Variants in DOCK10 observed in about 807,000 individuals in gnomAD.
DOCK10 encodes the protein dedicator of cytokinesis protein 10.
DOCK10 carries 145 observed loss-of-function variants against 280.1 expected under a neutral mutation model. The ratio of observed to expected loss-of-function variants is 0.52; its 90% CI spans 0.45 to 0.59. The LOEUF (loss-of-function observed/expected upper bound fraction) is 0.59. Among genes scored for constraint, DOCK10 ranks in the 20% least tolerant of loss-of-function variants. The probability of loss-of-function intolerance (pLI) is 0.00; values close to 1 mark genes in which losing one functional copy is unlikely to be tolerated. For synonymous variants in DOCK10, 915 were observed against 942.2 expected, an observed-to-expected ratio of 0.97 and a Z score of 0.53; for missense variants, 2,368 against 2,651.7, an observed-to-expected ratio of 0.89 and a Z score of 2.35.
At chr2:224,884,172 A>G (rs1350549040) in intron 7 of DOCK10, among the ~76,000 whole-genome samples, 1 of 152,204 alleles carries the variant, frequency 6.6e-6, no homozygotes, top group East Asian at 1.9e-4. Flanking sequence ...GCTCAGAAAC[A>G]GTTAATTTTT....
At chr2:224,823,862 A>AT (rs1430102407) in intron 27 of DOCK10, among the ~76,000 whole-genome samples, 1 of 152,186 alleles carries the variant, frequency 6.6e-6, no homozygotes, top group African/African-American at 2.4e-5. Flanking sequence ...GGTCAATAAA[A>AT]TTTTCACTTT....
chr2:224,849,510 A>C lies in DOCK10; in HGVS notation c.2232T>G (p.Asp744Glu), dbSNP rs774308202. Residue 744 changes from aspartate to glutamate, a missense_variant, in exon 19 of 56, where the codon GAT (aspartate) becomes GAG (glutamate). Around this residue, in one of 2 missense-constraint regions of DOCK10, gnomAD observed 1,209 missense variants for 1,250.9 expected, o/e 0.97. Transcript: ENST00000258390. ...LHHSQNPDFS[D>E]EVKIELPTQL... is the part of the protein sequence containing the mutation. Reference sequence around the variant, plus strand: ...GCAGTGGAGGGCTAGCTCTTACCTCATCTGAGAAATCCGGATTCTGAGAGT... The same window carrying C: ...GCAGTGGAGGGCTAGCTCTTACCTCCTCTGAGAAATCCGGATTCTGAGAGT... 41 of 1,609,558 alleles carry C rather than the reference A, an allele frequency of 2.5e-5. No individual in the cohort carries two copies. The highest frequency in any genetic ancestry group is 3.3e-5 in the Non-Finnish European group (39 of 1,177,816).
chr2:224,853,240 T>A (rs2125553999), intron 16 of DOCK10, 118 bp from the exon 17 acceptor site: 1 of 800,358 alleles, frequency 1.2e-6, no homozygotes. Flanking sequence ...TGTACACCAA[T>A]TGATATTAGC....
At position 224,845,778 on chromosome 2, in the gene DOCK10, C is replaced by A. The variant is rs1009971424; in HGVS notation, c.2236-136G>T. ...TTACTCTGTCACCTACGCTGGAGTG[C>A]AATGGCACGATCTAGGCTCACTGCA... On this transcript the variant is annotated intron_variant, in intron 19 of 55. Transcript: ENST00000258390. 7 of 802,372 alleles carry A rather than the reference C, an allele frequency of 8.7e-6. No individual in the cohort carries two copies. In the Admixed American group the frequency reaches 1.3e-4, roughly 15 times the overall value. 49.7% of individuals were successfully genotyped at this position (802,372 alleles called of 1,614,324 possible).
Position 224,941,304 on chromosome 2 carries a change from A to G in DOCK10, c.124-9636T>C, listed in dbSNP as rs16866384. Among the ~76,000 whole-genome samples the G allele has an allele frequency of 3.8e-3, 575 of 152,026 alleles. 3 individuals are homozygous for G. Among genetic ancestry groups the G allele is most frequent in the African/African-American group, 0.013 (548 of 41,460 alleles). ...TCTAACCCAGCTCAGTTTGAAGCCTATAGTCCACTCCACTCCACTCTACCA... is the reference window on the plus strand; with the variant it reads ...TCTAACCCAGCTCAGTTTGAAGCCTGTAGTCCACTCCACTCCACTCTACCA... On this transcript the variant is annotated intron_variant, in intron 1 of 55. Coordinates refer to ENST00000258390, the MANE Select transcript of DOCK10 (RefSeq NM_014689.3).
chr2:224,790,272 A>T (rs2125099108), intron 47 of DOCK10, among the ~76,000 whole-genome samples: 1 of 152,334 alleles, frequency 6.6e-6, no homozygotes, highest in South Asian at 2.1e-4. Flanking sequence ...CACTAGCCGG[A>T]GTGACAGACC....
chr2:225,040,623 A>T (rs1281889287), intron 1 of DOCK10, among the ~76,000 whole-genome samples: 3 of 152,156 alleles, frequency 2.0e-5, no homozygotes, highest in Non-Finnish European at 2.9e-5. Flanking sequence ...ATCTACATTT[A>T]AAAAAACACA....
At chr2:224,926,839 T>C (rs1444121005) in intron 2 of DOCK10, among the ~76,000 whole-genome samples, 1 of 152,228 alleles carries the variant, frequency 6.6e-6, no homozygotes, top group Non-Finnish European at 1.5e-5. Flanking sequence ...TGAAAGATAA[T>C]TCATGAAATA....
intron 2 of DOCK10, among the ~76,000 whole-genome samples, chr2:224,924,042 T>G (rs1315585174): frequency 5.3e-5 from 8 of 152,222 alleles, no homozygotes; most frequent in Non-Finnish European, 7.3e-5. Flanking sequence ...GCCATGTTCC[T>G]TATTACTCCT....
chr2:224,929,384 T>C (rs1702201105), intron 2 of DOCK10, among the ~76,000 whole-genome samples: 1 of 152,132 alleles, frequency 6.6e-6, no homozygotes, highest in African/African-American at 2.4e-5. Context: ...AAGGAAATGG[T>C]TTGGGGTGTG....
intron 1 of DOCK10, among the ~76,000 whole-genome samples, chr2:225,035,245 A>C (rs1016850583): frequency 2.0e-5 from 3 of 152,072 alleles, no homozygotes; most frequent in Non-Finnish European, 4.4e-5. Context: ...TGGATAGTCA[A>C]GGAAAGAGTA....
At chr2:224,824,380 A>T (rs1019660207) in intron 27 of DOCK10, among the ~76,000 whole-genome samples, 1 of 148,668 alleles carries the variant, frequency 6.7e-6, no homozygotes, top group Non-Finnish European at 1.5e-5. Context: ...GGACTCCTGC[A>T]TATGAGGGGA....
Position 224,786,354 on chromosome 2 carries a change from C to T in DOCK10, c.5655+668G>A, listed in dbSNP as rs1691731529. Among the ~76,000 whole-genome samples the T allele has an allele frequency of 6.6e-6, 1 of 152,176 alleles. No homozygotes were observed. Reference sequence around the variant, plus strand: ...TTCCTGAAAAGAAAATGAATGGTGCCTGGGTTTAGCCCATTGAAAATGTTG... The same window carrying T: ...TTCCTGAAAAGAAAATGAATGGTGCTTGGGTTTAGCCCATTGAAAATGTTG... On this transcript the variant is annotated intron_variant, in intron 50 of 55. Coordinates refer to ENST00000258390, the MANE Select transcript of DOCK10 (RefSeq NM_014689.3). The surrounding 1 kb of genome is among the most constrained non-coding windows in gnomAD (Gnocchi z 4.7).
chr2:224,955,679 A>G (rs1031467033), intron 1 of DOCK10, among the ~76,000 whole-genome samples: 8 of 152,260 alleles, frequency 5.3e-5, no homozygotes, highest in African/African-American at 7.2e-5. Context: ...TGGGTTTGCA[A>G]TCAAGAACTT....
At chr2:224,925,186 A>AT (rs2125994049) in intron 2 of DOCK10, among the ~76,000 whole-genome samples, 1 of 152,100 alleles carries the variant, frequency 6.6e-6, no homozygotes, top group Non-Finnish European at 1.5e-5. Context: ...GTCTCAGAAA[A>AT]AAAAAAAGAA....
At chr2:224,821,642 A>T (rs940648772) in intron 28 of DOCK10, among the ~76,000 whole-genome samples, 12 of 152,256 alleles carry the variant, frequency 7.9e-5, no homozygotes, top group African/African-American at 2.9e-4. Context: ...GGTAACTATG[A>T]GGTCTTTTCC....
rs537850847 is a variant in DOCK10 at position 224,896,208 on chromosome 2, G to A, written c.416+87C>T. ...GTGCCTTGACAGAAGATTAATGTACGTGTATTCATGAACAATGGCAGGACT... is the reference window on the plus strand; with the variant it reads ...GTGCCTTGACAGAAGATTAATGTACATGTATTCATGAACAATGGCAGGACT... On this transcript the variant is annotated intron_variant, in intron 4 of 55. Coordinates refer to ENST00000258390, the MANE Select transcript of DOCK10 (RefSeq NM_014689.3). 1.4e-4 allele frequency: 102 copies of A among 725,472 alleles called. No homozygotes were observed. The East Asian group carries it at 2.3e-3, about 17-fold the overall frequency. The allele number at this position is 725,472 out of a possible 1,614,324, so 44.9% of individuals were successfully genotyped here.
chr2:224,971,981 T>C (rs1406483619), intron 1 of DOCK10, among the ~76,000 whole-genome samples: 1 of 152,222 alleles, frequency 6.6e-6, no homozygotes, highest in Non-Finnish European at 1.5e-5. Context: ...ATGCTTTTTT[T>C]CTTTTTCAAA....
At position 225,016,628 on chromosome 2, in the gene DOCK10, GATACATATATCTAT is replaced by G. The variant is rs1559962937; in HGVS notation, c.123+25610_123+25623del. On this transcript the variant is annotated intron_variant, in intron 1 of 55. Transcript: ENST00000258390. ...AGATACATATATCTATGTGCACATAGATACATATATCTATGTGCACATAGATACATAGATACATA... is the reference window on the plus strand; with the variant it reads ...AGATACATATATCTATGTGCACATAGGTGCACATAGATACATAGATACATA... 9.1e-3 allele frequency among the ~76,000 whole-genome samples: 364 copies of G among 39,892 alleles called. 30 individuals are homozygous for G. The highest frequency in any genetic ancestry group is 0.014 in the African/African-American group (228 of 16,692). The allele number at this position is 39,892 out of a possible 152,430, so 26.2% of individuals were successfully genotyped here. A position where few individuals can be genotyped will look rare whatever the true frequency, so the allele number is the denominator to read the frequency against.
Sources: allele counts gnomAD v4.1 joint callset (sites outside exome capture counted in the v4.1 genomes callset), GRCh38; gene constraint gnomAD v4.1.1; regional missense constraint gnomAD v4.1.1; non-coding constraint Gnocchi (gnomAD v3.1); transcripts MANE v1.5; gene names NCBI Gene and HGNC (gene_info 2026-07-23, HGNC 2026-07-21).